OR1L8: variants seen among roughly 807,000 people sequenced by gnomAD.
OR1L8 encodes the protein olfactory receptor family 1 subfamily L member 8.
For missense variants in OR1L8, 330 were observed against 377.4 expected, an observed-to-expected ratio of 0.87 and a Z score of 1.04; for synonymous variants, 148 against 147.0, an observed-to-expected ratio of 1.01 and a Z score of -0.05.
At chr9:122,582,750 AAAG>A (rs1245169195) in intron 1 of OR1L8, among the ~76,000 whole-genome samples, 3 of 152,164 alleles carry the variant, frequency 2.0e-5, no homozygotes, top group Non-Finnish European at 4.4e-5. Context: ...TAAAGGAAAA[AAAG>A]ACATAATGAG....
At chr9:122,572,430 C>T (rs1040840063) in intron 4 of OR1L8, among the ~76,000 whole-genome samples, 1 of 152,146 alleles carries the variant, frequency 6.6e-6, no homozygotes, top group Non-Finnish European at 1.5e-5. Flanking sequence ...ATGCTCCAGA[C>T]TGTAGACATG....
the OR1L8 span, among the ~76,000 whole-genome samples, chr9:122,558,881 G>A: frequency 4.0e-5 from 6 of 151,318 alleles, no homozygotes; most frequent in African/African-American, 9.7e-5. Context: ...CCCTTATAAT[G>A]TGGAAGTTTC....
At chr9:122,560,202 T>C in the OR1L8 span, among the ~76,000 whole-genome samples, 1 of 152,200 alleles carries the variant, frequency 6.6e-6, no homozygotes, top group Non-Finnish European at 1.5e-5. Flanking sequence ...CCTGTCCTTT[T>C]ATTTTGAGCC....
At chr9:122,581,831 G>A (rs886852960) in intron 1 of OR1L8, among the ~76,000 whole-genome samples, 1 of 152,038 alleles carries the variant, frequency 6.6e-6, no homozygotes, top group Non-Finnish European at 1.5e-5. Context: ...TCAATTGCTT[G>A]AACCCAAAAG....
the OR1L8 span, among the ~76,000 whole-genome samples, chr9:122,556,502 C>T: frequency 1.3e-5 from 2 of 151,840 alleles, no homozygotes; most frequent in South Asian, 2.1e-4. Context: ...AAGTAGTGTC[C>T]ACCGGGGCCT....
the OR1L8 span, among the ~76,000 whole-genome samples, chr9:122,550,849 A>G: frequency 6.6e-6 from 1 of 151,968 alleles, no homozygotes; most frequent in African/African-American, 2.4e-5. Context: ...AAAGACGAAG[A>G]TGACCACTTT....
the OR1L8 span, chr9:122,553,171 T>C: frequency 1.9e-6 from 3 of 1,592,372 alleles, no homozygotes; most frequent in African/African-American, 4.0e-5. Flanking sequence ...TACTGACACA[T>C]GGAAGGTTTT....
the OR1L8 span, among the ~76,000 whole-genome samples, chr9:122,549,863 T>A: frequency 6.6e-6 from 1 of 152,182 alleles, no homozygotes; most frequent in African/African-American, 2.4e-5. Flanking sequence ...TGGTTCCATA[T>A]GAATTTTAGG....
At chr9:122,553,996 A>G in the OR1L8 span, 1 of 1,613,222 alleles carries the variant, frequency 6.2e-7, no homozygotes, top group Non-Finnish European at 8.5e-7. Flanking sequence ...ATGGGTGTGT[A>G]TTTACTTCCT....
Position 122,568,364 on chromosome 9 carries a change from G to A in OR1L8, c.114C>T (p.Val38=). The A allele has an allele frequency of 6.2e-7, 1 of 1,613,852 alleles. No homozygotes were observed. Among genetic ancestry groups the A allele is most frequent in the East Asian group, 2.2e-5 (1 of 44,874 alleles). The change falls in exon 5 of 5, where the codon GTC becomes GTT. Residue 38 remains valine, a synonymous_variant. Transcript: ENST00000641027. ...LFVLFLIVYL[V]TITGNLLIIL... ...TGATGAGCAGGTTCCCTGTTATGGT[G>A]ACCAGGTACACGATGAGGAAGAGAA... is the stretch of plus-strand genomic sequence containing the variant.
At position 122,568,247 on chromosome 9, in the gene OR1L8, G is replaced by A. The variant is rs751680804; in HGVS notation, c.231C>T (p.Ser77=). ...AGTTCATCAGCATCTTGGGGACAAC[G>A]CTTGTTGTAAAGCAAATATCAGTGA... ...LSLTDICFTT[S]VVPKMLMNFL... Residue 77 remains serine, a synonymous_variant, in exon 5 of 5, where the codon AGC becomes AGT. Coordinates refer to ENST00000641027, the MANE Select transcript of OR1L8 (RefSeq NM_001004454.2). The A allele has an allele frequency of 7.6e-5, 123 of 1,613,706 alleles. No individual in the cohort carries two copies. The highest frequency in any genetic ancestry group is 3.7e-4 in the Admixed American group (22 of 60,006).
rs773502972 is a variant in OR1L8 at position 122,567,787 on chromosome 9, A to C, written c.691T>G (p.Ser231Ala). Residue 231 changes from serine to alanine, a missense_variant, in exon 5 of 5, where the codon TCT (serine) becomes GCT (alanine). Coordinates refer to ENST00000641027, the MANE Select transcript of OR1L8 (RefSeq NM_001004454.2). ...AAGGCTTTGCGTTTCCCAGAAGTAGAGGGAATCTTGAGAACTGTAGTGAGG... is the reference window on the plus strand; with the variant it reads ...AAGGCTTTGCGTTTCCCAGAAGTAGCGGGAATCTTGAGAACTGTAGTGAGG... ...RILTTVLKIPSTSGKRKAFST... is the reference protein window; with the variant it reads ...RILTTVLKIPATSGKRKAFST... 1.9e-6 allele frequency: 3 copies of C among 1,614,092 alleles called. No homozygotes were observed. Among genetic ancestry groups the C allele is most frequent in the Non-Finnish European group, 2.5e-6 (3 of 1,179,942 alleles).
chr9:122,571,702 G>A (rs35519256), intron 4 of OR1L8, among the ~76,000 whole-genome samples: 30,459 of 148,772 alleles, frequency 0.2, 3,541 homozygotes, highest in Non-Finnish European at 0.26. Context: ...GCGACAGAGC[G>A]AGACTCAGTC....
At chr9:122,549,503 G>A in the OR1L8 span, among the ~76,000 whole-genome samples, 1 of 152,172 alleles carries the variant, frequency 6.6e-6, no homozygotes, top group Middle Eastern at 3.2e-3. Flanking sequence ...AGGTCTTACA[G>A]TTAAGTCTTT....
the OR1L8 span, among the ~76,000 whole-genome samples, chr9:122,546,754 A>C: frequency 1.3e-5 from 2 of 152,220 alleles, no homozygotes; most frequent in Middle Eastern, 3.2e-3. Flanking sequence ...TGTGTGTAAG[A>C]ATAATGGAAG....
At chr9:122,573,182 C>T (rs779044506) in intron 3 of OR1L8, among the ~76,000 whole-genome samples, 1 of 152,170 alleles carries the variant, frequency 6.6e-6, no homozygotes, top group Non-Finnish European at 1.5e-5. Flanking sequence ...TGTGCTGACC[C>T]CTCAGGGGAG....
rs144345255 is a variant in OR1L8, at chr9:122,578,898, A to C, written c.-599-453T>G. ...AAAATGTCAGAAATCACCACTAACG[A>C]ACTTAAACATGTAACCAAACACCAC... is the stretch of plus-strand genomic sequence containing the variant. On this transcript the variant is annotated intron_variant, in intron 1 of 4. Coordinates refer to ENST00000641027, the MANE Select transcript of OR1L8 (RefSeq NM_001004454.2). 1.9e-3 allele frequency among the ~76,000 whole-genome samples: 282 copies of C among 152,210 alleles called. 2 individuals carry two copies. The highest frequency in any genetic ancestry group is 4.3e-3 in the East Asian group (22 of 5,170).
intron 1 of OR1L8, among the ~76,000 whole-genome samples, chr9:122,582,378 C>T (rs1453123251): frequency 6.6e-6 from 1 of 152,094 alleles, no homozygotes; most frequent in Non-Finnish European, 1.5e-5. Context: ...GCCCAGACTT[C>T]AAAGACTTTC....
intron 4 of OR1L8, among the ~76,000 whole-genome samples, chr9:122,570,844 G>T (rs1829535211): frequency 6.6e-6 from 1 of 152,116 alleles, no homozygotes; most frequent in South Asian, 2.1e-4. Context: ...AAATGTATTA[G>T]TATTAGGTAC....
Sources: allele counts gnomAD v4.1 joint callset (sites outside exome capture counted in the v4.1 genomes callset), GRCh38; gene constraint gnomAD v4.1.1; transcripts MANE v1.5; gene names NCBI Gene and HGNC (gene_info 2026-07-23, HGNC 2026-07-21).